The following CDK14 variants were observed in gnomAD, a reference collection of about 807,000 sequenced individuals.
CDK14 encodes the protein cyclin-dependent kinase 14.
A neutral mutation model predicts 60.7 loss-of-function variants in CDK14; 34 were observed. The observed-to-expected ratio is 0.56, with a 90% CI of 0.43 to 0.75. CDK14 has a LOEUF of 0.75. Ranked by LOEUF, CDK14 falls within the 30% of genes least tolerant of loss-of-function variation. The pLI, the probability that CDK14 is intolerant of heterozygous loss-of-function variation, is 0.00. For missense variants in CDK14, 482 were observed against 564.1 expected, an observed-to-expected ratio of 0.85 and a Z score of 1.47; for synonymous variants, 197 against 203.7, an observed-to-expected ratio of 0.97 and a Z score of 0.28.
intron 8 of CDK14, among the ~76,000 whole-genome samples, chr7:90,926,515 G>A (rs1468852707): frequency 6.6e-6 from 1 of 152,180 alleles, no homozygotes. Flanking sequence ...TCCTGTTAGG[G>A]CTCCGCAGTG....
At chr7:91,128,694 G>A (rs1394760890) in intron 14 of CDK14, among the ~76,000 whole-genome samples, 2 of 139,414 alleles carry the variant, frequency 1.4e-5, no homozygotes, top group African/African-American at 5.7e-5. Context: ...AGCCCTTACC[G>A]TAAACTCAAG....
chr7:91,158,402 G>A (rs538008435), intron 14 of CDK14, among the ~76,000 whole-genome samples: 195 of 151,482 alleles, frequency 1.3e-3, no homozygotes, highest in Non-Finnish European at 2.0e-3. Flanking sequence ...TTTTTTATAC[G>A]CACAGGGTTT....
chr7:90,946,912 C>A (rs1407970952), intron 8 of CDK14, among the ~76,000 whole-genome samples: 1 of 152,190 alleles, frequency 6.6e-6, no homozygotes, highest in Non-Finnish European at 1.5e-5. Flanking sequence ...GCCATCACAG[C>A]CTTCTAGCTT....
intron 8 of CDK14, among the ~76,000 whole-genome samples, chr7:90,922,798 G>T (rs1793289887): frequency 1.3e-5 from 2 of 152,018 alleles, no homozygotes; most frequent in Non-Finnish European, 2.9e-5. Context: ...ATTGTCTCAA[G>T]CATATTAAAA....
At chr7:90,783,780 A>G (rs919919066) in intron 4 of CDK14, among the ~76,000 whole-genome samples, 1 of 152,172 alleles carries the variant, frequency 6.6e-6, no homozygotes, top group South Asian at 2.1e-4. Flanking sequence ...GGCAATAACA[A>G]ATAGCGATGA....
At chr7:90,812,784 A>G (rs1399141861) in intron 5 of CDK14, among the ~76,000 whole-genome samples, 1 of 152,176 alleles carries the variant, frequency 6.6e-6, no homozygotes, top group African/African-American at 2.4e-5. Context: ...TTTCATATGG[A>G]ATAATGGAAC....
At chr7:90,854,803 A>G (rs1158370791) in intron 5 of CDK14, among the ~76,000 whole-genome samples, 5 of 152,160 alleles carry the variant, frequency 3.3e-5, no homozygotes, top group Non-Finnish European at 4.4e-5. Context: ...ATTAAAAAAT[A>G]AAAAACCTGT....
At chr7:90,843,417 A>C (rs905975841) in intron 5 of CDK14, among the ~76,000 whole-genome samples, 9 of 152,154 alleles carry the variant, frequency 5.9e-5, no homozygotes, top group African/African-American at 1.9e-4. Context: ...AATTGATGAT[A>C]ATCTTAAGCA....
intron 8 of CDK14, among the ~76,000 whole-genome samples, chr7:90,949,034 A>G (rs1794178517): frequency 4.6e-5 from 7 of 152,336 alleles, no homozygotes. Context: ...TTTATTTTCT[A>G]TGCAAAAAGA....
chr7:91,133,155 A>C (rs1358741955), intron 14 of CDK14, among the ~76,000 whole-genome samples: 1 of 152,162 alleles, frequency 6.6e-6, no homozygotes, highest in Non-Finnish European at 1.5e-5. Flanking sequence ...TTAAGAATTC[A>C]GTATCTTCAT....
At chr7:91,091,273 T>A (rs802798) in intron 12 of CDK14, among the ~76,000 whole-genome samples, 3 of 145,666 alleles carry the variant, frequency 2.1e-5, no homozygotes, top group East Asian at 3.9e-4. Context: ...TATTTATTTA[T>A]ATAAATATAT....
At chr7:90,729,531 A>G (rs1396284275) in intron 3 of CDK14, among the ~76,000 whole-genome samples, 1 of 151,508 alleles carries the variant, frequency 6.6e-6, no homozygotes, top group Non-Finnish European at 1.5e-5. Context: ...GGGGAGAGAT[A>G]AATACATGTT....
At chr7:90,639,115 C>T (rs533010341) in intron 2 of CDK14, among the ~76,000 whole-genome samples, 2 of 152,300 alleles carry the variant, frequency 1.3e-5, no homozygotes, top group Admixed American at 1.3e-4. Context: ...TCGTCTGAAG[C>T]CTTCTTCTCT....
chr7:91,190,802 T>C lies in CDK14; in HGVS notation c.*29-16363T>C, dbSNP rs557858419. Among the ~76,000 whole-genome samples, 90 of 152,304 alleles carry C rather than the reference T, an allele frequency of 5.9e-4. No individual in the cohort carries two copies. In the South Asian group the frequency reaches 7.0e-3, roughly 12 times the overall value. ...ACCCCACCCAGCCTATTCTTTTCTT[T>C]GATCCCAGAGAGATCAAAAGAGACT... On this transcript the variant is annotated intron_variant, in intron 14 of 14. Coordinates refer to ENST00000380050, the MANE Select transcript of CDK14 (RefSeq NM_001287135.2).
intron 4 of CDK14, among the ~76,000 whole-genome samples, chr7:90,752,651 A>C (rs1005128341): frequency 6.6e-6 from 1 of 152,200 alleles, no homozygotes; most frequent in African/African-American, 2.4e-5. Context: ...GAAAAAACAT[A>C]ACTAAAATCA....
At chr7:90,647,402 C>T (rs954140730) in intron 2 of CDK14, among the ~76,000 whole-genome samples, 2 of 152,112 alleles carry the variant, frequency 1.3e-5, no homozygotes, top group African/African-American at 4.8e-5. Flanking sequence ...TACAATGTTT[C>T]AGTCTATAAG....
chr7:90,706,927 G>A (rs1454902604), intron 2 of CDK14, among the ~76,000 whole-genome samples: 1 of 152,064 alleles, frequency 6.6e-6, no homozygotes, highest in Non-Finnish European at 1.5e-5. Context: ...CTAATGCTGG[G>A]TGTAGTTTTT....
At position 91,056,879 on chromosome 7, in the gene CDK14, G is replaced by A. The variant is rs546306163; in HGVS notation, c.1105+10919G>A. On this transcript the variant is annotated intron_variant, in intron 11 of 14. Transcript: ENST00000380050. Reference sequence around the variant, plus strand: ...TGCCACAATAAACATACGTGTGTACGTGTCTTTATAGCAGCATGATTTATA... The same window carrying A: ...TGCCACAATAAACATACGTGTGTACATGTCTTTATAGCAGCATGATTTATA... 1.8e-4 allele frequency among the ~76,000 whole-genome samples: 28 copies of A among 152,254 alleles called. No individual in the cohort carries two copies. In the East Asian group the frequency reaches 2.5e-3, roughly 14 times the overall value.
chr7:90,645,339 T>C (rs1800442193), intron 2 of CDK14, among the ~76,000 whole-genome samples: 1 of 143,814 alleles, frequency 7.0e-6, no homozygotes, highest in Non-Finnish European at 1.5e-5. Context: ...ATCTTATTTT[T>C]AATTATTGAA....
Sources: allele counts gnomAD v4.1 joint callset (sites outside exome capture counted in the v4.1 genomes callset), GRCh38; gene constraint gnomAD v4.1.1; transcripts MANE v1.5; gene names NCBI Gene and HGNC (gene_info 2026-07-23, HGNC 2026-07-21).